Variants in SAV1 observed in about 807,000 individuals in gnomAD.
SAV1 encodes salvador family WW domain containing protein 1.
SAV1 carries 23 observed loss-of-function variants against 47.3 expected under a neutral mutation model. That is an observed-to-expected ratio of 0.49 (90% CI 0.35 to 0.69). The LOEUF (loss-of-function observed/expected upper bound fraction) is 0.69. Among genes scored for constraint, SAV1 ranks in the 30% least tolerant of loss-of-function variants. SAV1 has a pLI of 0.01. For synonymous variants in SAV1, 155 were observed against 159.2 expected, an observed-to-expected ratio of 0.97 and a Z score of 0.20; for missense variants, 448 against 457.4, an observed-to-expected ratio of 0.98 and a Z score of 0.19.
chr14:50,665,669 A>G, intron 1 of SAV1, 50 bp from the exon 2 acceptor site: 1 of 1,472,872 alleles, frequency 6.8e-7, no homozygotes, highest in South Asian at 1.4e-5. Context: ...AAGTAACAAA[A>G]GTTTTCGAAA....
intron 2 of SAV1, among the ~76,000 whole-genome samples, chr14:50,662,254 C>T (rs1311543783): frequency 2.6e-5 from 4 of 152,112 alleles, no homozygotes; most frequent in African/African-American, 9.7e-5. Flanking sequence ...CTGCAAGCTC[C>T]GCCTCCCGGG....
At chr14:50,659,029 G>T (rs1396386067) in intron 2 of SAV1, among the ~76,000 whole-genome samples, 1 of 150,942 alleles carries the variant, frequency 6.6e-6, no homozygotes, top group Non-Finnish European at 1.5e-5. Flanking sequence ...CTTATCAAAT[G>T]AAGTCTCTCA....
At chr14:50,645,817 T>A (rs904426875) in intron 2 of SAV1, among the ~76,000 whole-genome samples, 2 of 152,168 alleles carry the variant, frequency 1.3e-5, no homozygotes, top group African/African-American at 2.4e-5. Flanking sequence ...AATTATTAAG[T>A]AAGCTTAAGG....
intron 2 of SAV1, among the ~76,000 whole-genome samples, chr14:50,651,751 C>A (rs1379662147): frequency 6.6e-6 from 1 of 152,090 alleles, no homozygotes; most frequent in African/African-American, 2.4e-5. Context: ...CTCAGCCTCC[C>A]AAGTAGGTGT....
intron 2 of SAV1, among the ~76,000 whole-genome samples, chr14:50,660,672 C>T (rs2039851423): frequency 6.6e-6 from 1 of 152,112 alleles, no homozygotes; most frequent in Non-Finnish European, 1.5e-5. Context: ...ACTGTAGTTA[C>T]CCTACTCTGC....
chr14:50,658,877 AGAGGC>A (rs2039834874), intron 2 of SAV1, among the ~76,000 whole-genome samples: 5 of 152,178 alleles, frequency 3.3e-5, no homozygotes, highest in Non-Finnish European at 5.9e-5. Flanking sequence ...CCCTTGTGGA[AGAGGC>A]AGTTATTAGG....
At chr14:50,649,919 A>T (rs2039753426) in intron 2 of SAV1, among the ~76,000 whole-genome samples, 1 of 152,236 alleles carries the variant, frequency 6.6e-6, no homozygotes, top group African/African-American at 2.4e-5. Context: ...ATGCCAGAGC[A>T]AAACATCTAC....
rs181967395 is a variant in SAV1 at position 50,634,312 on chromosome 14, C to T, written c.*871G>A. 1 of 299,452 alleles carries T rather than the reference C, an allele frequency of 3.3e-6. No individual in the cohort carries two copies. Among genetic ancestry groups the T allele is most frequent in the East Asian group, 9.0e-5 (1 of 11,076 alleles). The allele number at this position is 299,452 out of a possible 1,614,324, so 18.5% of individuals were successfully genotyped here. A position where few individuals can be genotyped will look rare whatever the true frequency, so the allele number is the denominator to read the frequency against. ...TTCATACCAAAAAATACTTTCTCAA[C>T]ATGCTTTAAAAGGATTCCTTATTTT... is the stretch of plus-strand genomic sequence containing the variant. On this transcript the variant is annotated 3_prime_UTR_variant, in exon 5 of 5. Coordinates refer to ENST00000324679, the MANE Select transcript of SAV1 (RefSeq NM_021818.4).
At chr14:50,664,590 T>C (rs1438630817) in intron 2 of SAV1, 4 of 152,264 alleles carry the variant, frequency 2.6e-5, no homozygotes, top group Non-Finnish European at 4.4e-5. Context: ...ATGGTAATTT[T>C]TTTTGTCTGT....
At chr14:50,646,270 A>ATC (rs1160564238) in intron 2 of SAV1, among the ~76,000 whole-genome samples, 1 of 152,196 alleles carries the variant, frequency 6.6e-6, no homozygotes, top group Admixed American at 6.5e-5. Flanking sequence ...GGTGAATGTA[A>ATC]TCTCTCTCCC....
In SAV1 at chr14:50,635,096, T is replaced by C; in HGVS notation, c.*87A>G. On this transcript the variant is annotated 3_prime_UTR_variant, in exon 5 of 5. Transcript: ENST00000324679. ...TATAATTTCCACAAAGGAAGCAGCA[T>C]TTATTAACCAGAGTACTTGTTTGCA... 3 of 872,960 alleles carry C rather than the reference T, an allele frequency of 3.4e-6. No homozygotes were observed. The highest frequency in any genetic ancestry group is 1.7e-5 in the African/African-American group (1 of 58,892). 54.1% of individuals were successfully genotyped at this position (872,960 alleles called of 1,614,324 possible).
At chr14:50,663,903 G>A (rs1259420690) in intron 2 of SAV1, among the ~76,000 whole-genome samples, 1 of 152,068 alleles carries the variant, frequency 6.6e-6, no homozygotes, top group Non-Finnish European at 1.5e-5. Flanking sequence ...TTCAAACCAG[G>A]CAGAACTACA....
intron 1 of SAV1, chr14:50,667,596 T>A (rs2039913568): frequency 4.1e-6 from 2 of 493,732 alleles, no homozygotes; most frequent in East Asian, 7.9e-5. Flanking sequence ...CTTCCAGTAA[T>A]CAAAACCAAC....
intron 4 of SAV1, 96 bp downstream of exon 4, chr14:50,640,654 G>C: frequency 9.2e-7 from 1 of 1,089,676 alleles, no homozygotes; most frequent in South Asian, 2.2e-5. Flanking sequence ...ATTATTAAGA[G>C]TAAAATATGG....
Position 50,644,954 on chromosome 14 carries a change from A to G in SAV1, c.596T>C (p.Leu199Ser). 1.9e-6 allele frequency: 3 copies of G among 1,613,772 alleles called. No homozygotes were observed. Among genetic ancestry groups the G allele is most frequent in the Non-Finnish European group, 2.5e-6 (3 of 1,179,900 alleles). Residue 199 changes from leucine to serine, a missense_variant, in exon 3 of 5, where the codon TTA becomes TCA. Coordinates refer to ENST00000324679, the MANE Select transcript of SAV1 (RefSeq NM_021818.4). ...GNLTNHGSED[L>S]PLPPGWSVDW... ...CACAGACCAGCCAGGAGGAAGGGGT[A>G]AATCTTCAGAACCATGGTTAGTCAA...
At chr14:50,636,146 C>A (rs930128741) in intron 4 of SAV1, among the ~76,000 whole-genome samples, 3 of 152,186 alleles carry the variant, frequency 2.0e-5, no homozygotes, top group Non-Finnish European at 2.9e-5. Flanking sequence ...TTTCAAACTA[C>A]AGTGGTTCTA....
At chr14:50,657,021 T>C (rs1472595506) in intron 2 of SAV1, among the ~76,000 whole-genome samples, 1 of 127,038 alleles carries the variant, frequency 7.9e-6, no homozygotes, top group African/African-American at 3.1e-5. Context: ...CACAAAACAC[T>C]CACTTTTTTT....
intron 2 of SAV1, among the ~76,000 whole-genome samples, chr14:50,650,056 G>A (rs1346873774): frequency 6.6e-6 from 1 of 152,076 alleles, no homozygotes; most frequent in Non-Finnish European, 1.5e-5. Flanking sequence ...AGTGACAAAA[G>A]GTAATTTAGA....
rs1947666246 is a variant in SAV1 at position 50,640,887 on chromosome 14, A to T, written c.813T>A (p.Pro271=). 6.2e-7 allele frequency: 1 copy of T among 1,606,324 alleles called. No homozygotes were observed. The highest frequency in any genetic ancestry group is 8.5e-7 in the Non-Finnish European group (1 of 1,176,392). ...QYRHPCAPSV[P]RYDQPPPVTY... ...TGACAGGAGGTGGTTGATCATACCG[A>T]GGTACACTAAGAAGAAAGGAGTGAC... Residue 271 remains proline, a synonymous_variant, in exon 4 of 5, where the codon CCT becomes CCA. Coordinates refer to ENST00000324679, the MANE Select transcript of SAV1 (RefSeq NM_021818.4).
Sources: gnomAD v4.1 joint callset for allele counts (sites outside exome capture counted in the v4.1 genomes callset) on GRCh38, gnomAD v4.1.1 for gene constraint, MANE v1.5 for transcripts, NCBI Gene and HGNC (gene_info 2026-07-23, HGNC 2026-07-21) for gene names.